The following MRGPRE variants were observed in gnomAD, a reference collection of about 807,000 sequenced individuals.
MRGPRE encodes the protein MAS related GPR family member E.
For synonymous variants in MRGPRE, 229 were observed against 206.7 expected (o/e 1.11, Z -0.92); for missense variants, 466 against 433.4 (o/e 1.08, Z -0.67).
At position 3,228,631 on chromosome 11, in the gene MRGPRE, G is replaced by T. The variant is rs770107975; in HGVS notation, c.169C>A (p.Pro57Thr). Reference protein sequence around the residue: ...WLLSSNVYRNPFAIYLLDVAC... With the variant: ...WLLSSNVYRNTFAIYLLDVAC... ...ACGTCCAGGAGGTAGATGGCGAAGG[G>T]GTTTCTGTAGACATTGGAGCTGAGC... Residue 57 changes from proline (P) to threonine (T), a missense_variant, in exon 2 of 2, where the codon CCC becomes ACC. Pro to Thr is a conservative substitution (Grantham distance 38). Transcript: ENST00000389832. 1.1e-5 allele frequency: 17 copies of T among 1,614,150 alleles called. No homozygotes were observed. The highest frequency in any genetic ancestry group is 1.4e-5 in the Non-Finnish European group (16 of 1,180,018).
chr11:3,228,155 G>A lies in MRGPRE; in HGVS notation c.645C>T (p.Phe215=). The A allele has an allele frequency of 6.3e-7, 1 of 1,575,694 alleles. No individual in the cohort carries two copies. The change falls in exon 2 of 2, where the codon TTC becomes TTT. Residue 215 remains phenylalanine (F), a synonymous_variant. Coordinates refer to ENST00000389832, the MANE Select transcript of MRGPRE (RefSeq NM_001039165.4). ...RGPQRPPPRG[F]PGLILLTVLL... is the part of the protein sequence containing the mutation. ...GGACGGTGAGGAGGATGAGCCCAGGGAAGCCCCGGGGTGGGGGCCGCTGGG... is the reference window on the plus strand; with the variant it reads ...GGACGGTGAGGAGGATGAGCCCAGGAAAGCCCCGGGGTGGGGGCCGCTGGG...
rs560786601 is a variant in MRGPRE, at chr11:3,227,082, C to T, written c.*779G>A. ...GCTCAGGACAGAGGCGGGTGAACTG[C>T]CTTGGATGGGGCCGGTGTGAAGCTT... On this transcript the variant is annotated 3_prime_UTR_variant, in exon 2 of 2. Coordinates refer to ENST00000389832, the MANE Select transcript of MRGPRE (RefSeq NM_001039165.4). Among the ~76,000 whole-genome samples, 1 of 152,230 alleles carries T rather than the reference C, an allele frequency of 6.6e-6. No individual in the cohort carries two copies. The highest frequency in any genetic ancestry group is 6.5e-5 in the Admixed American group (1 of 15,304).
rs776726917 is a variant in MRGPRE at position 3,228,507 on chromosome 11, C to T, written c.293G>A (p.Ser98Asn). Residue 98 changes from serine to asparagine, a missense_variant, in exon 2 of 2, where the codon AGC (serine) becomes AAC (asparagine). Physicochemically the swap from Ser to Asn is conservative, Grantham distance 46. Transcript: ENST00000389832. Reference sequence around the variant, plus strand: ...GCAGAAGAAGCGCAGCGTTGCCAGGCTGGTCTGCACGAAGCCCGGGAAGTC... The same window carrying T: ...GCAGAAGAAGCGCAGCGTTGCCAGGTTGGTCTGCACGAAGCCCGGGAAGTC... ...RLDFPGFVQT[S>N]LATLRFFCYI... The T allele has an allele frequency of 1.2e-6, 2 of 1,613,780 alleles. No homozygotes were observed. Among genetic ancestry groups the T allele is most frequent in the Non-Finnish European group, 1.7e-6 (2 of 1,179,998 alleles).
chr11:3,228,442 C>G lies in MRGPRE; in HGVS notation c.358G>C (p.Glu120Gln), dbSNP rs769389632. The change falls in exon 2 of 2, where the codon GAG (glutamate) becomes CAG (glutamine). Residue 120 changes from glutamate (E) to glutamine (Q), a missense_variant. Coordinates refer to ENST00000389832, the MANE Select transcript of MRGPRE (RefSeq NM_001039165.4). ...GLSLLAAVSV[E>Q]QCLAALFPAW... ...GGGAAGAGGGCGGCCAGGCACTGCT[C>G]CACGCTGACGGCCGCCAGGAGACTC... 4.3e-6 allele frequency: 7 copies of G among 1,611,476 alleles called. No homozygotes were observed. Among genetic ancestry groups the G allele is most frequent in the Non-Finnish European group, 5.9e-6 (7 of 1,179,706 alleles).
rs1465017446 is a variant in MRGPRE, at chr11:3,231,618, G to C, written c.-62+523C>G. Among the ~76,000 whole-genome samples the C allele has an allele frequency of 6.8e-6, 1 of 146,770 alleles. No homozygotes were observed. The highest frequency in any genetic ancestry group is 1.5e-5 in the Non-Finnish European group (1 of 66,246). On this transcript the variant is annotated intron_variant, in intron 1 of 1. Transcript: ENST00000389832. This position sits in a 1 kb window ranked among gnomAD's most constrained non-coding sequence, Gnocchi z 4.7. ...AGAGAACAGGAGGGAGGAGGAGGAG[G>C]GGGAGGAGAAGGAGGGGAGGAGGCG...
chr11:3,231,484 A>G lies in MRGPRE; in HGVS notation c.-62+657T>C, dbSNP rs1335782381. Among the ~76,000 whole-genome samples, 1 of 150,324 alleles carries G rather than the reference A, an allele frequency of 6.7e-6. No homozygotes were observed. The highest frequency in any genetic ancestry group is 2.0e-4 in the East Asian group (1 of 4,980). ...AGAGCTCTGTAGGAAGGGTCGCCAC[A>G]GTTGGGTTACAGGACTGTGGGGAGT... On this transcript the variant is annotated intron_variant, in intron 1 of 1. Coordinates refer to ENST00000389832, the MANE Select transcript of MRGPRE (RefSeq NM_001039165.4). The surrounding 1 kb of genome is among the most constrained non-coding windows in gnomAD (Gnocchi z 4.7).
In MRGPRE at chr11:3,228,380, G is replaced by A; in HGVS notation, c.420C>T (p.Thr140=). 1 of 1,592,558 alleles carries A rather than the reference G, an allele frequency of 6.3e-7. No homozygotes were observed. The highest frequency in any genetic ancestry group is 1.1e-5 in the South Asian group (1 of 89,220). ...CCCAGGTGAGGGCGCACACACAGGT[G>A]GTCAGGTGGCGTGGGCGGCGGCACG... is the stretch of plus-strand genomic sequence containing the variant. ...WYSCRRPRHL[T]TCVCALTWAL... is the part of the protein sequence containing the mutation. Residue 140 remains threonine (T), a synonymous_variant, in exon 2 of 2, where the codon ACC becomes ACT. Coordinates refer to ENST00000389832, the MANE Select transcript of MRGPRE (RefSeq NM_001039165.4).
chr11:3,228,590 G>A lies in MRGPRE; in HGVS notation c.210C>T (p.Leu70=), dbSNP rs775661694. ...IYLLDVACAD[L]IFLGCHMVAI... ...CCACCATGTGGCAGCCAAGGAAGAT[G>A]AGATCCGCGCAGGCCACGTCCAGGA... is the stretch of plus-strand genomic sequence containing the variant. The change falls in exon 2 of 2, where the codon CTC becomes CTT. Residue 70 remains leucine, a synonymous_variant. Coordinates refer to ENST00000389832, the MANE Select transcript of MRGPRE (RefSeq NM_001039165.4). 4 of 1,613,764 alleles carry A rather than the reference G, an allele frequency of 2.5e-6. No homozygotes were observed. Among genetic ancestry groups the A allele is most frequent in the Non-Finnish European group, 3.4e-6 (4 of 1,179,778 alleles).
At position 3,229,306 on chromosome 11, in the gene MRGPRE, A is replaced by G. The variant is rs891014069; in HGVS notation, c.-61-446T>C. Among the ~76,000 whole-genome samples, 2 of 144,604 alleles carry G rather than the reference A, an allele frequency of 1.4e-5. No individual in the cohort carries two copies. Among genetic ancestry groups the G allele is most frequent in the Admixed American group, 1.4e-4 (2 of 13,858 alleles). The allele number at this position is 144,604 out of a possible 152,430, so 94.9% of individuals were successfully genotyped here. On this transcript the variant is annotated intron_variant, in intron 1 of 1. Coordinates refer to ENST00000389832, the MANE Select transcript of MRGPRE (RefSeq NM_001039165.4). The surrounding 1 kb of genome is among the most constrained non-coding windows in gnomAD (Gnocchi z 4.4). ...AATGGCACCATCTCGGCTCACTGCA[A>G]CCTCTGCCTCCCGGGTTCAAGTGAT...
rs1273195820 is a variant in MRGPRE, at chr11:3,229,201, C to T, written c.-61-341G>A. Among the ~76,000 whole-genome samples, 6 of 142,964 alleles carry T rather than the reference C, an allele frequency of 4.2e-5. No homozygotes were observed. Among genetic ancestry groups the T allele is most frequent in the African/African-American group, 1.6e-4 (6 of 37,566 alleles). 93.8% of individuals were successfully genotyped at this position (142,964 alleles called of 152,430 possible). A position where few individuals can be genotyped will look rare whatever the true frequency, so the allele number is the denominator to read the frequency against. On this transcript the variant is annotated intron_variant, in intron 1 of 1. Transcript: ENST00000389832. The surrounding 1 kb of genome is among the most constrained non-coding windows in gnomAD (Gnocchi z 4.4). ...CCCTGTTGCTAGTGGTGCCTTGATC[C>T]TCAGAATGGGCTTTTTTTTTTTTTT...
In MRGPRE at chr11:3,230,009, C is replaced by T. The variant is rs1015475582; in HGVS notation, c.-61-1149G>A. ...GGGAGGCAGCACAAATCCCAGGGGA[C>T]CTAGGCTGGAATCGGAGTCTTCATC... On this transcript the variant is annotated intron_variant, in intron 1 of 1. Coordinates refer to ENST00000389832, the MANE Select transcript of MRGPRE (RefSeq NM_001039165.4). This position sits in a 1 kb window ranked among gnomAD's most constrained non-coding sequence, Gnocchi z 5.5. Among the ~76,000 whole-genome samples, 1 of 152,134 alleles carries T rather than the reference C, an allele frequency of 6.6e-6. No individual in the cohort carries two copies. Among genetic ancestry groups the T allele is most frequent in the African/African-American group, 2.4e-5 (1 of 41,414 alleles).
chr11:3,228,071 G>C lies in MRGPRE; in HGVS notation c.729C>G (p.Leu243=). 1 of 1,607,732 alleles carries C rather than the reference G, an allele frequency of 6.2e-7. No individual in the cohort carries two copies. The highest frequency in any genetic ancestry group is 2.2e-5 in the East Asian group (1 of 44,652). ...FGIYWLSRNL[L]WYIPHYFYHF... is the part of the protein sequence containing the mutation. ...GGTAGAAGTAGTGGGGGATGTACCA[G>C]AGCAGGTTCCGGGACAGCCAGTAGA... The change falls in exon 2 of 2, where the codon CTC becomes CTG. Residue 243 remains leucine, a synonymous_variant. Coordinates refer to ENST00000389832, the MANE Select transcript of MRGPRE (RefSeq NM_001039165.4).
rs1847753910 is a variant in MRGPRE, at chr11:3,225,855, C to T, written c.*2006G>A. Among the ~76,000 whole-genome samples the T allele has an allele frequency of 6.6e-6, 1 of 152,202 alleles. No homozygotes were observed. Among genetic ancestry groups the T allele is most frequent in the Admixed American group, 6.5e-5 (1 of 15,286 alleles). ...GAGGAATCTAGAGCCACTCCAATCC[C>T]CTGGATGCTGAGAGCAGGCTCTCTG... On this transcript the variant is annotated 3_prime_UTR_variant, in exon 2 of 2. Coordinates refer to ENST00000389832, the MANE Select transcript of MRGPRE (RefSeq NM_001039165.4).
chr11:3,227,586 A>C lies in MRGPRE; in HGVS notation c.*275T>G. On this transcript the variant is annotated 3_prime_UTR_variant, in exon 2 of 2. Coordinates refer to ENST00000389832, the MANE Select transcript of MRGPRE (RefSeq NM_001039165.4). ...GCAGCTCTCGAGTGCCAGTGCGTGA[A>C]CCGTTGGGGAGGTTTCCCAAAAATG... The C allele has an allele frequency of 2.6e-6, 1 of 383,812 alleles. No individual in the cohort carries two copies. Among genetic ancestry groups the C allele is most frequent in the Non-Finnish European group, 4.6e-6 (1 of 215,902 alleles). The allele number at this position is 383,812 out of a possible 1,614,324, so 23.8% of individuals were successfully genotyped here.
Position 3,225,335 on chromosome 11 carries a change from C to T in MRGPRE, c.*2526G>A, listed in dbSNP as rs957151352. Among the ~76,000 whole-genome samples the T allele has an allele frequency of 5.9e-5, 9 of 152,208 alleles. No homozygotes were observed. Among genetic ancestry groups the T allele is most frequent in the Admixed American group, 1.3e-4 (2 of 15,284 alleles). Reference sequence around the variant, plus strand: ...CTGTTCTTGGGAATTCTGTGCTGACCGCGGCAGCCCCGCAGGGGCCCGGGG... The same window carrying T: ...CTGTTCTTGGGAATTCTGTGCTGACTGCGGCAGCCCCGCAGGGGCCCGGGG... On this transcript the variant is annotated 3_prime_UTR_variant, in exon 2 of 2. Coordinates refer to ENST00000389832, the MANE Select transcript of MRGPRE (RefSeq NM_001039165.4).
chr11:3,228,619 A>C lies in MRGPRE; in HGVS notation c.181T>G (p.Tyr61Asp), dbSNP rs778416441. The C allele has an allele frequency of 6.2e-7, 1 of 1,614,120 alleles. No individual in the cohort carries two copies. The highest frequency in any genetic ancestry group is 1.7e-5 in the Admixed American group (1 of 60,036). The change falls in exon 2 of 2, where the codon TAC becomes GAC. Residue 61 changes from tyrosine to aspartate, a missense_variant. Physicochemically the swap from Tyr to Asp is radical, Grantham distance 160. Coordinates refer to ENST00000389832, the MANE Select transcript of MRGPRE (RefSeq NM_001039165.4). ...SNVYRNPFAI[Y>D]LLDVACADLI... ...TCCGCGCAGGCCACGTCCAGGAGGTAGATGGCGAAGGGGTTTCTGTAGACA... is the reference window on the plus strand; with the variant it reads ...TCCGCGCAGGCCACGTCCAGGAGGTCGATGGCGAAGGGGTTTCTGTAGACA...
chr11:3,228,316 A>G lies in MRGPRE; in HGVS notation c.484T>C (p.Cys162Arg), dbSNP rs760259822. The G allele has an allele frequency of 1.2e-5, 18 of 1,556,972 alleles. No homozygotes were observed. The African/African-American group carries it at 1.5e-4, about 13-fold the overall frequency. ...LLLHLLLSGA[C>R]TQFFGEPSRH... ...CTGGGCTCCCCGAAGAACTGGGTGC[A>G]GGCGCCGCTGAGCAGCAGGTGCAGC... Residue 162 changes from cysteine (C) to arginine (R), a missense_variant, in exon 2 of 2, where the codon TGC (cysteine) becomes CGC (arginine). Cys to Arg is a radical substitution (Grantham distance 180). Transcript: ENST00000389832.
In MRGPRE at chr11:3,228,568, CCATGTGGCAGCCAAGGAA is replaced by C. The variant is rs751405991; in HGVS notation, c.214_231del (p.Phe72_Met77del). The C allele has an allele frequency of 7.4e-6, 12 of 1,613,548 alleles. No homozygotes were observed. The highest frequency in any genetic ancestry group is 1.1e-5 in the South Asian group (1 of 91,074). On this transcript the variant is annotated inframe_deletion, in exon 2 of 2. Transcript: ENST00000389832. ...TGCAGCAAGTCGGGGACGATGGCCA[CCATGTGGCAGCCAAGGAA>C]GATGAGATCCGCGCAGGCCACGTCC... is the stretch of plus-strand genomic sequence containing the variant.
At position 3,227,033 on chromosome 11, in the gene MRGPRE, G is replaced by A. The variant is rs1409373409; in HGVS notation, c.*828C>T. 3.9e-5 allele frequency among the ~76,000 whole-genome samples: 6 copies of A among 152,208 alleles called. No individual in the cohort carries two copies. Among genetic ancestry groups the A allele is most frequent in the Non-Finnish European group, 8.8e-5 (6 of 68,036 alleles). On this transcript the variant is annotated 3_prime_UTR_variant, in exon 2 of 2. Coordinates refer to ENST00000389832, the MANE Select transcript of MRGPRE (RefSeq NM_001039165.4). ...GGGTGAAGCCTGGGTTCCTTCCTCA[G>A]AGGGATCCTCTGGAGCGGGACTTGC...
Sources: allele counts gnomAD v4.1 joint callset (sites outside exome capture counted in the v4.1 genomes callset), GRCh38; gene constraint gnomAD v4.1.1; non-coding constraint Gnocchi (gnomAD v3.1); transcripts MANE v1.5; gene names NCBI Gene and HGNC (gene_info 2026-07-23, HGNC 2026-07-21).